GLUD1: variants seen among roughly 807,000 people sequenced by gnomAD.
The protein encoded by GLUD1 is glutamate dehydrogenase 1.
GLUD1 carries 22 observed loss-of-function variants against 56.0 expected under a neutral mutation model. That is an observed-to-expected ratio of 0.39 (90% CI 0.28 to 0.56). The LOEUF (loss-of-function observed/expected upper bound fraction) is 0.56. Among genes scored for constraint, GLUD1 ranks in the 20% least tolerant of loss-of-function variants. The pLI is 0.58. For synonymous variants in GLUD1, 223 were observed against 269.9 expected, an observed-to-expected ratio of 0.83 and a Z score of 1.70; for missense variants, 451 against 732.0, an observed-to-expected ratio of 0.62 and a Z score of 4.43.
At chr10:87,060,459 T>A (rs1589358457) in intron 8 of GLUD1, 1 of 660,508 alleles carries the variant, frequency 1.5e-6, no homozygotes, top group Admixed American at 2.8e-5. Flanking sequence ...TTTTTTTTTT[T>A]ACAGGAGTGT....
intron 11 of GLUD1, 98 bp from the exon 12 acceptor site, chr10:87,053,502 G>T: frequency 1.2e-6 from 1 of 805,644 alleles, no homozygotes; most frequent in Non-Finnish European, 2.2e-6. Context: ...TATACAACCA[G>T]ACAGAATTTT....
At chr10:87,088,168 T>G (rs1841428661) in intron 1 of GLUD1, among the ~76,000 whole-genome samples, 1 of 145,580 alleles carries the variant, frequency 6.9e-6, no homozygotes, top group South Asian at 2.1e-4. Context: ...CATGATTTAC[T>G]TTGTTTTGTT....
At chr10:87,056,143 A>C (rs1455152085) in intron 11 of GLUD1, among the ~76,000 whole-genome samples, 2 of 146,002 alleles carry the variant, frequency 1.4e-5, no homozygotes, top group African/African-American at 2.5e-5. Flanking sequence ...AAAAAAAACC[A>C]AAAAAAAAGA....
At chr10:87,080,278 C>T (rs796209486) in intron 1 of GLUD1, among the ~76,000 whole-genome samples, 1 of 151,888 alleles carries the variant, frequency 6.6e-6, no homozygotes, top group South Asian at 2.1e-4. Context: ...GGCGTGATCT[C>T]GGCTCGCTAC....
chr10:87,094,182 G>A lies in GLUD1; in HGVS notation c.445+143C>T. On this transcript the variant is annotated intron_variant, in intron 1 of 12. Coordinates refer to ENST00000277865, the MANE Select transcript of GLUD1 (RefSeq NM_005271.5). This position sits in a 1 kb window ranked among gnomAD's most constrained non-coding sequence, Gnocchi z 6.6. ...ACCATCCACAGAGCCGGCCACATCC[G>A]AGGCGGGGTGACCCGGGCGGGGACC... 4 of 1,385,160 alleles carry A rather than the reference G, an allele frequency of 2.9e-6. No homozygotes were observed. Among genetic ancestry groups the A allele is most frequent in the Non-Finnish European group, 3.8e-6 (4 of 1,042,962 alleles). 85.8% of individuals were successfully genotyped at this position (1,385,160 alleles called of 1,614,324 possible). A position where few individuals can be genotyped will look rare whatever the true frequency, so the allele number is the denominator to read the frequency against.
At chr10:87,084,273 T>C (rs939801950) in intron 1 of GLUD1, among the ~76,000 whole-genome samples, 1 of 152,276 alleles carries the variant, frequency 6.6e-6, no homozygotes, top group African/African-American at 2.4e-5. Context: ...GGTATCCAGA[T>C]GTTTCCAAAG....
intron 1 of GLUD1, among the ~76,000 whole-genome samples, chr10:87,076,862 CCTG>C (rs1846410172): frequency 6.6e-6 from 1 of 152,152 alleles, no homozygotes. Context: ...GTTAAAAAAA[CCTG>C]CTAATAACAG....
At chr10:87,079,360 C>T (rs1012122029) in intron 1 of GLUD1, among the ~76,000 whole-genome samples, 5 of 151,426 alleles carry the variant, frequency 3.3e-5, no homozygotes, top group Non-Finnish European at 5.9e-5. Context: ...GTCACTTGAG[C>T]CCAGGAGTTG....
At chr10:87,088,371 A>G (rs1841435787) in intron 1 of GLUD1, among the ~76,000 whole-genome samples, 1 of 152,202 alleles carries the variant, frequency 6.6e-6, no homozygotes, top group Admixed American at 6.5e-5. Flanking sequence ...AACCCTCTGC[A>G]TAAAGTTCAG....
intron 4 of GLUD1, among the ~76,000 whole-genome samples, chr10:87,074,267 G>A (rs1475756624): frequency 1.3e-5 from 2 of 152,116 alleles, no homozygotes; most frequent in African/African-American, 2.4e-5. Context: ...TTGGGAGTCC[G>A]AGATGGGTGG....
At chr10:87,087,374 T>C (rs1158452916) in intron 1 of GLUD1, among the ~76,000 whole-genome samples, 1 of 152,144 alleles carries the variant, frequency 6.6e-6, no homozygotes, top group Non-Finnish European at 1.5e-5. Flanking sequence ...AGAGGTTCCA[T>C]TATGAGGGCA....
intron 1 of GLUD1, chr10:87,092,701 G>C (rs1267952862): frequency 2.1e-6 from 1 of 479,654 alleles, no homozygotes; most frequent in Non-Finnish European, 2.7e-6. Flanking sequence ...TCATCCTGCA[G>C]AAAACCACAT....
In GLUD1 at chr10:87,060,211, T is replaced by C; in HGVS notation, c.1228A>G (p.Thr410Ala). 1.2e-6 allele frequency: 2 copies of C among 1,612,172 alleles called. No individual in the cohort carries two copies. The highest frequency in any genetic ancestry group is 1.7e-6 in the Non-Finnish European group (2 of 1,178,264). Residue 410 changes from threonine (T) to alanine (A), a missense_variant, in exon 9 of 13, where the codon ACT becomes GCT. By Grantham distance (58) the Thr-to-Ala change is moderately conservative. Transcript: ENST00000277865. ...IIAEGANGPTTPEADKIFLER... is the reference protein window; with the variant it reads ...IIAEGANGPTAPEADKIFLER... ...AGGAAGATCTTGTCAGCTTCTGGAG[T>C]TGTTGGCCCATTGGCACCTTCAGCA...
chr10:87,065,133 A>T (rs112986006), intron 5 of GLUD1, among the ~76,000 whole-genome samples: 7,996 of 152,106 alleles, frequency 0.053, 386 homozygotes, highest in African/African-American at 0.14. Context: ...TCTACTAAAA[A>T]TACAAAAAAA....
intron 1 of GLUD1, among the ~76,000 whole-genome samples, chr10:87,086,612 A>G (rs1300160727): frequency 2.6e-5 from 4 of 151,790 alleles, no homozygotes; most frequent in Admixed American, 2.6e-4. Context: ...TCATGAGGTC[A>G]GGAGATCAAG....
At chr10:87,093,258 T>G (rs1276096925) in intron 1 of GLUD1, among the ~76,000 whole-genome samples, 2 of 152,240 alleles carry the variant, frequency 1.3e-5, no homozygotes, top group Non-Finnish European at 2.9e-5. Flanking sequence ...CAACATCCTC[T>G]GTGCTTCTCA....
intron 4 of GLUD1, among the ~76,000 whole-genome samples, chr10:87,069,177 A>G (rs1189771898): frequency 6.6e-6 from 1 of 151,952 alleles, no homozygotes; most frequent in Non-Finnish European, 1.5e-5. Flanking sequence ...TCAACTGTAA[A>G]ATACAAACTC....
rs147471282 is a variant in GLUD1 at position 87,068,171 on chromosome 10, G to A, written c.647-14C>T. The A allele has an allele frequency of 1.9e-6, 3 of 1,551,142 alleles. No individual in the cohort carries two copies. The African/African-American group carries it at 4.1e-5, about 21-fold the overall frequency. On this transcript the variant is annotated splice_polypyrimidine_tract_variant and intron_variant, in intron 4 of 12. Coordinates refer to ENST00000277865, the MANE Select transcript of GLUD1 (RefSeq NM_005271.5). ...CAATGCCAGGACCTGCGGGGGCACA[G>A]GGAAAGAGGAGTGCACCAGTTTTTA...
intron 1 of GLUD1, among the ~76,000 whole-genome samples, chr10:87,083,816 TAC>T (rs10535860): frequency 0.43 from 64,706 of 150,932 alleles, 14,119 homozygotes; most frequent in South Asian, 0.51. Context: ...ATCCCATCTC[TAC>T]ACACACACAC....
Sources: gnomAD v4.1 joint callset for allele counts (sites outside exome capture counted in the v4.1 genomes callset) on GRCh38, gnomAD v4.1.1 for gene constraint, Gnocchi (gnomAD v3.1) non-coding constraint, MANE v1.5 for transcripts, NCBI Gene and HGNC (gene_info 2026-07-23, HGNC 2026-07-21) for gene names.